Variants in HIVEP3 observed in about 807,000 individuals in gnomAD.
HIVEP3 encodes the protein HIVEP zinc finger 3, also known as transcription factor HIVEP3.
In HIVEP3, 49 loss-of-function variants were observed where a neutral mutation model predicts 152.8. The ratio of observed to expected loss-of-function variants is 0.32; its 90% confidence interval spans 0.26 to 0.41. The LOEUF (loss-of-function observed/expected upper bound fraction) is 0.41, where lower values mean the gene tolerates loss of function less well. HIVEP3 is among the 10% of genes least tolerant of loss of function. The pLI, the probability that HIVEP3 is intolerant of heterozygous loss-of-function variation, is 1.00. For missense variants in HIVEP3, 2,790 were observed against 3,103.3 expected (o/e 0.90, Z 2.40); for synonymous variants, 1,269 against 1,289.0 (o/e 0.98, Z 0.33).
chr1:41,979,825 T>C (rs1460055440), intron 1 of HIVEP3, among the ~76,000 whole-genome samples: 2 of 152,210 alleles, frequency 1.3e-5, no homozygotes, highest in African/African-American at 4.8e-5. Context: ...TTCCCTTCTT[T>C]ATAGGAGAAA....
intron 1 of HIVEP3, among the ~76,000 whole-genome samples, chr1:41,994,252 G>C (rs1645381790): frequency 6.7e-6 from 1 of 149,526 alleles, no homozygotes; most frequent in African/African-American, 2.5e-5. Flanking sequence ...TTTAAGGACA[G>C]TGATAGACTT....
chr1:41,779,050 G>A (rs1648881897), intron 1 of HIVEP3, among the ~76,000 whole-genome samples: 1 of 152,208 alleles, frequency 6.6e-6, no homozygotes, highest in Non-Finnish European at 1.5e-5. Context: ...CCAGCAGCTG[G>A]GCCCATCAGT....
intron 1 of HIVEP3, among the ~76,000 whole-genome samples, chr1:41,704,924 G>C (rs1646411822): frequency 6.6e-6 from 1 of 152,146 alleles, no homozygotes; most frequent in Non-Finnish European, 1.5e-5. Flanking sequence ...CTTATGGTGG[G>C]CACTGGCTCC....
At chr1:41,545,378 T>C (rs192889460) in intron 5 of HIVEP3, among the ~76,000 whole-genome samples, 564 of 72,438 alleles carry the variant, frequency 7.8e-3, no homozygotes, top group Non-Finnish European at 9.7e-3. Flanking sequence ...CCACCACCAC[T>C]ACCACCACCA....
At chr1:41,745,131 C>T (rs1415935242) in intron 1 of HIVEP3, among the ~76,000 whole-genome samples, 1 of 152,212 alleles carries the variant, frequency 6.6e-6, no homozygotes, top group African/African-American at 2.4e-5. Context: ...GCCCAAATGA[C>T]TCAGAGATGG....
At chr1:41,773,095 T>G (rs1484087082) in intron 1 of HIVEP3, among the ~76,000 whole-genome samples, 1 of 152,164 alleles carries the variant, frequency 6.6e-6, no homozygotes, top group Non-Finnish European at 1.5e-5. Context: ...CAAGTTCAGA[T>G]GTAGATTCAG....
chr1:42,033,270 C>T (rs79259612), intron 1 of HIVEP3, among the ~76,000 whole-genome samples: 1 of 152,188 alleles, frequency 6.6e-6, no homozygotes, highest in Non-Finnish European at 1.5e-5. Flanking sequence ...ATGCTCCTCA[C>T]ATGGTCCTGC....
chr1:41,681,495 A>G (rs1646038223), intron 2 of HIVEP3, among the ~76,000 whole-genome samples: 2 of 152,234 alleles, frequency 1.3e-5, no homozygotes, highest in African/African-American at 4.8e-5. Flanking sequence ...CCGGCAGAAC[A>G]TACTAAAGTG....
At chr1:41,845,417 A>ACACG (rs1235516733) in intron 1 of HIVEP3, among the ~76,000 whole-genome samples, 2 of 90,898 alleles carry the variant, frequency 2.2e-5, no homozygotes, top group African/African-American at 1.2e-4. Context: ...ACACACACAC[A>ACACG]CGCACACACA....
At chr1:41,847,530 TTTTA>T (rs879623511) in intron 1 of HIVEP3, 3 of 152,254 alleles carry the variant, frequency 2.0e-5, no homozygotes, top group Non-Finnish European at 4.4e-5. Context: ...TTTTTCTTCT[TTTTA>T]TTTGTCTACA....
chr1:41,981,739 G>A (rs1471012035), intron 1 of HIVEP3, among the ~76,000 whole-genome samples: 2 of 152,180 alleles, frequency 1.3e-5, no homozygotes, highest in South Asian at 2.1e-4. Context: ...CACTGCTTTC[G>A]CTGGATTCAT....
chr1:41,973,804 G>T (rs1366969957), intron 1 of HIVEP3, among the ~76,000 whole-genome samples: 1 of 152,146 alleles, frequency 6.6e-6, no homozygotes, highest in Non-Finnish European at 1.5e-5. Context: ...CTATCATGAG[G>T]CCCCAGTGAC....
At chr1:41,575,492 A>T in intron 5 of HIVEP3, 52 bp downstream of exon 5, 1 of 1,593,064 alleles carries the variant, frequency 6.3e-7, no homozygotes, top group Middle Eastern at 1.7e-4. Context: ...ACCAATGGGC[A>T]CCAGCTCTTA....
chr1:41,783,187 T>C (rs1024749330), intron 1 of HIVEP3, among the ~76,000 whole-genome samples: 2 of 152,060 alleles, frequency 1.3e-5, no homozygotes, highest in Non-Finnish European at 2.9e-5. Context: ...AGGAGAAACA[T>C]GGTAAGCCCT....
chr1:41,962,889 A>G (rs1472865353), intron 1 of HIVEP3, among the ~76,000 whole-genome samples: 1 of 152,224 alleles, frequency 6.6e-6, no homozygotes, highest in Admixed American at 6.5e-5. Context: ...ATAATTTTTC[A>G]TCATGGAGAC....
At chr1:41,896,913 A>G (rs1644537757) in intron 1 of HIVEP3, among the ~76,000 whole-genome samples, 1 of 152,178 alleles carries the variant, frequency 6.6e-6, no homozygotes, top group African/African-American at 2.4e-5. Flanking sequence ...TCCTGTCTCA[A>G]AGAGGTCTAT....
chr1:41,594,450 T>C (rs1049808535), intron 3 of HIVEP3, among the ~76,000 whole-genome samples: 15 of 152,134 alleles, frequency 9.9e-5, no homozygotes, highest in African/African-American at 3.6e-4. Context: ...CTTGAACTCC[T>C]GACCTCAAGT....
At chr1:41,548,395 G>A (rs930401875) in intron 5 of HIVEP3, among the ~76,000 whole-genome samples, 9 of 152,352 alleles carry the variant, frequency 5.9e-5, no homozygotes, top group East Asian at 1.9e-4. Context: ...TGTCCTGCCA[G>A]CTTCCTCCAG....
chr1:41,666,777 G>A lies in HIVEP3; in HGVS notation c.-721+34139C>T, dbSNP rs111681982. On this transcript the variant is annotated intron_variant, in intron 2 of 8. Coordinates refer to ENST00000372583, the MANE Select transcript of HIVEP3 (RefSeq NM_024503.5). ...TCTCCACACAGGTAGAACTCTCTAGGACACCTTCAAGTGGGTCCCTGTTCA... is the reference window on the plus strand; with the variant it reads ...TCTCCACACAGGTAGAACTCTCTAGAACACCTTCAAGTGGGTCCCTGTTCA... Among the ~76,000 whole-genome samples, 43 of 152,168 alleles carry A rather than the reference G, an allele frequency of 2.8e-4. 1 individual carries two copies. The highest frequency in any genetic ancestry group is 1.0e-3 in the African/African-American group (42 of 41,512).
Sources: allele counts gnomAD v4.1 joint callset (sites outside exome capture counted in the v4.1 genomes callset), GRCh38; gene constraint gnomAD v4.1.1; transcripts MANE v1.5; gene names NCBI Gene and HGNC (gene_info 2026-07-23, HGNC 2026-07-21).